ANO3: variants seen among roughly 807,000 people sequenced by gnomAD.
ANO3 encodes the protein anoctamin 3, also known as anoctamin-3.
Under a neutral mutation model 144.8 loss-of-function variants are expected in ANO3, and 99 were observed. The ratio of observed to expected loss-of-function variants is 0.68; its 90% CI spans 0.58 to 0.81. ANO3 has a LOEUF of 0.81. Among genes scored for constraint, ANO3 ranks in the 30% least tolerant of loss-of-function variants. The pLI is 0.00. For missense variants in ANO3, 905 were observed against 1,202.2 expected, an observed-to-expected ratio of 0.75 and a Z score of 3.66; for synonymous variants, 414 against 392.6, an observed-to-expected ratio of 1.05 and a Z score of -0.64.
At chr11:26,572,880 T>G (rs1850881946) in intron 14 of ANO3, among the ~76,000 whole-genome samples, 1 of 152,156 alleles carries the variant, frequency 6.6e-6, no homozygotes, top group Non-Finnish European at 1.5e-5. Context: ...CTCGATTAAG[T>G]AGTTTCCACC....
chr11:26,399,159 G>T (rs1307873851), intron 1 of ANO3, among the ~76,000 whole-genome samples: 3 of 151,458 alleles, frequency 2.0e-5, no homozygotes, highest in South Asian at 2.1e-4. Flanking sequence ...CCTTTTTTTC[G>T]CTGTCTCATA....
intron 6 of ANO3, among the ~76,000 whole-genome samples, chr11:26,521,284 A>AT: frequency 6.6e-6 from 1 of 152,292 alleles, no homozygotes; most frequent in East Asian, 1.9e-4. Flanking sequence ...TTAGGATAAT[A>AT]TTTTTTAAAA....
At chr11:26,351,582 A>G (rs1345028788) in intron 1 of ANO3, among the ~76,000 whole-genome samples, 1 of 152,182 alleles carries the variant, frequency 6.6e-6, no homozygotes, top group Non-Finnish European at 1.5e-5. Context: ...CGTCATGGTC[A>G]TAGAGAATTT....
At chr11:26,315,686 C>CTATCTATCT (rs1564961787) in intron 1 of ANO3, among the ~76,000 whole-genome samples, 44 of 108,336 alleles carry the variant, frequency 4.1e-4, no homozygotes, top group African/African-American at 1.3e-3. Context: ...TCTATCTATC[C>CTATCTATCT]ATCTATCTAT....
At chr11:26,398,333 C>CA (rs754243267) in intron 1 of ANO3, among the ~76,000 whole-genome samples, 3 of 151,900 alleles carry the variant, frequency 2.0e-5, no homozygotes, top group Admixed American at 6.6e-5. Flanking sequence ...ATGAGTTCTA[C>CA]AAATTTTCAA....
intron 1 of ANO3, among the ~76,000 whole-genome samples, chr11:26,263,699 T>G (rs918456517): frequency 2.0e-5 from 3 of 152,208 alleles, no homozygotes; most frequent in African/African-American, 7.2e-5. Context: ...TTCTTAGTAT[T>G]TTTAAAATTA....
At chr11:26,246,620 G>T (rs1564932446) in intron 1 of ANO3, among the ~76,000 whole-genome samples, 1 of 149,208 alleles carries the variant, frequency 6.7e-6, no homozygotes, top group Non-Finnish European at 1.5e-5. Context: ...TTTATATGTT[G>T]TTACTATATT....
chr11:26,559,611 AAT>A (rs1850201614), intron 13 of ANO3, 106 bp from the exon 14 acceptor site: 2 of 770,858 alleles, frequency 2.6e-6, no homozygotes, highest in Non-Finnish European at 4.5e-6. Flanking sequence ...ACTATAAAAT[AAT>A]ATGATTCTAT....
chr11:26,520,502 A>G (rs1862032811), intron 6 of ANO3, among the ~76,000 whole-genome samples: 1 of 152,206 alleles, frequency 6.6e-6, no homozygotes, highest in Admixed American at 6.5e-5. Context: ...AAAGTCTTAG[A>G]AAATACCGTG....
At chr11:26,441,856 C>T (rs1226948441) in intron 1 of ANO3, 62 bp from the exon 2 acceptor site, 5 of 1,297,834 alleles carry the variant, frequency 3.9e-6, no homozygotes, top group Non-Finnish European at 5.4e-6. Context: ...AGAATTAAAA[C>T]TTTTTATTGA....
chr11:26,334,760 C>A (rs980820472), intron 1 of ANO3, among the ~76,000 whole-genome samples: 1 of 152,190 alleles, frequency 6.6e-6, no homozygotes, highest in Non-Finnish European at 1.5e-5. Flanking sequence ...ATTAATTTAG[C>A]TGAAAAATCC....
chr11:26,256,577 C>A (rs1375629494), intron 1 of ANO3, among the ~76,000 whole-genome samples: 6 of 151,958 alleles, frequency 3.9e-5, no homozygotes, highest in African/African-American at 1.5e-4. Context: ...ATTCTACAGG[C>A]AATATACTTA....
intron 1 of ANO3, chr11:26,309,763 T>C: frequency 2.1e-6 from 2 of 933,982 alleles, no homozygotes; most frequent in Non-Finnish European, 2.6e-6. Flanking sequence ...ACCAACTCTG[T>C]TCTTCAATAT....
At chr11:26,375,093 C>T (rs955530711) in intron 1 of ANO3, among the ~76,000 whole-genome samples, 5 of 152,188 alleles carry the variant, frequency 3.3e-5, no homozygotes, top group Non-Finnish European at 5.9e-5. Context: ...AATGTAGAAT[C>T]AGTGGGAGCC....
At chr11:26,363,277 A>G (rs1855975715) in intron 1 of ANO3, among the ~76,000 whole-genome samples, 1 of 152,192 alleles carries the variant, frequency 6.6e-6, no homozygotes, top group Non-Finnish European at 1.5e-5. Flanking sequence ...GATGCCCATT[A>G]TTAGGGTCTG....
upstream of ANO3, among the ~76,000 whole-genome samples, chr11:26,307,534 C>T (rs1251132313): frequency 6.6e-6 from 1 of 151,788 alleles, no homozygotes; most frequent in African/African-American, 2.4e-5. Context: ...AATGTCTCTA[C>T]TAAAAATTTA....
chr11:26,222,182 T>C (rs1280721448), intron 1 of ANO3, among the ~76,000 whole-genome samples: 2 of 152,242 alleles, frequency 1.3e-5, no homozygotes, highest in African/African-American at 4.8e-5. Flanking sequence ...ATGAAGGATT[T>C]GACCAGAAGA....
rs1304020016 is a variant in ANO3 at position 26,534,651 on chromosome 11, T to G, written c.976+89T>G. 4 of 818,004 alleles carry G rather than the reference T, an allele frequency of 4.9e-6. No homozygotes were observed. The African/African-American group carries it at 5.1e-5, about 10-fold the overall frequency. 50.7% of individuals were successfully genotyped at this position (818,004 alleles called of 1,614,324 possible). ...TTTTTTTAACAGCTGTAGCTTTGCT[T>G]TAATTCATTAAATAGATGTGTATAA... On this transcript the variant is annotated intron_variant, in intron 9 of 26. Coordinates refer to ENST00000256737, the MANE Select transcript of ANO3 (RefSeq NM_031418.4).
intron 1 of ANO3, among the ~76,000 whole-genome samples, chr11:26,216,351 T>A (rs1433388539): frequency 6.6e-6 from 1 of 152,008 alleles, no homozygotes; most frequent in East Asian, 1.9e-4. Context: ...ACCACTGATC[T>A]TTTTTACCAT....
Sources: allele counts gnomAD v4.1 joint callset (sites outside exome capture counted in the v4.1 genomes callset), GRCh38; gene constraint gnomAD v4.1.1; transcripts MANE v1.5; gene names NCBI Gene and HGNC (gene_info 2026-07-23, HGNC 2026-07-21).